Variants in P2RY8 observed in about 807,000 individuals in gnomAD.
The protein encoded by P2RY8 is S-geranylgeranyl-glutathione receptor P2RY8.
A neutral mutation model predicts 10.0 loss-of-function variants in P2RY8; 6 were observed. The ratio of observed to expected loss-of-function variants is 0.60; its 90% CI spans 0.33 to 1.19. P2RY8 has a LOEUF of 1.19. P2RY8 is among the 50% of genes most tolerant of loss of function. The pLI, the probability that P2RY8 is intolerant of heterozygous loss-of-function variation, is 0.04. For synonymous variants in P2RY8, 276 were observed against 252.5 expected (o/e 1.09, Z -0.88); for missense variants, 456 against 542.0 (o/e 0.84, Z 1.58).
At chrX:1,478,272 T>TGTGTGTGTGTGTGC (rs1318193075) in intron 1 of P2RY8, among the ~76,000 whole-genome samples, 4,182 of 103,902 alleles carry the variant, frequency 0.04, 208 homozygotes, top group African/African-American at 0.12. Flanking sequence ...TGTGTGTGTG[T>TGTGTGTGTGTGTGC]GCCCAGCAGG....
chrX:1,478,273 G>GCA (rs1556676192), intron 1 of P2RY8, among the ~76,000 whole-genome samples: 29 of 133,544 alleles, frequency 2.2e-4, no homozygotes, highest in South Asian at 6.8e-4. Context: ...GTGTGTGTGT[G>GCA]CCCAGCAGGG....
At chrX:1,522,407 C>T (rs780390145) in intron 1 of P2RY8, among the ~76,000 whole-genome samples, 36 of 152,292 alleles carry the variant, frequency 2.4e-4, no homozygotes, top group Admixed American at 1.6e-3. Context: ...CTCCCACACA[C>T]GTGTGTATTG....
Position 1,512,225 on chromosome X carries a change from G to A in P2RY8, c.-25+24696C>T, listed in dbSNP as rs184455067. ...GAGATTAAGGTGCAGGCAGGCCCAC[G>A]GTATTAGTCTGTTCTCACGCTGCTA... On this transcript the variant is annotated intron_variant, in intron 1 of 1. Coordinates refer to ENST00000381297, the MANE Select transcript of P2RY8 (RefSeq NM_178129.5). Among the ~76,000 whole-genome samples the A allele has an allele frequency of 4.9e-4, 74 of 152,148 alleles. No homozygotes were observed. In the East Asian group the frequency reaches 0.013, roughly 27 times the overall value.
At chrX:1,536,002 G>A (rs759569535) in intron 1 of P2RY8, among the ~76,000 whole-genome samples, 1 of 152,146 alleles carries the variant, frequency 6.6e-6, no homozygotes, top group South Asian at 2.1e-4. Flanking sequence ...GCACCGAGGG[G>A]GTGACGAGGG....
In P2RY8 at chrX:1,532,397, T is replaced by TGTATATG. The variant is rs1384150403; in HGVS notation, c.-25+4523_-25+4524insCATATAC. 1.5e-3 allele frequency among the ~76,000 whole-genome samples: 206 copies of TGTATATG among 135,456 alleles called. 8 individuals carry two copies. The highest frequency in any genetic ancestry group is 4.1e-3 in the Middle Eastern group (1 of 242). The allele number at this position is 135,456 out of a possible 152,430, so 88.9% of individuals were successfully genotyped here. ...TATATGATGTGTGTATATGCACATA[T>TGTATATG]ATGTATATATGTATATGATGTGTAT... On this transcript the variant is annotated intron_variant, in intron 1 of 1. Transcript: ENST00000381297.
rs191878558 is a variant in P2RY8 at position 1,467,824 on chromosome X, G to C, written c.-24-1242C>G. ...CCTGAGTAGTTGGGACTACAGGTGA[G>C]AGTACAACCACGCCCAGCTAATATT... is the stretch of plus-strand genomic sequence containing the variant. On this transcript the variant is annotated intron_variant, in intron 1 of 1. Coordinates refer to ENST00000381297, the MANE Select transcript of P2RY8 (RefSeq NM_178129.5). 7.2e-3 allele frequency among the ~76,000 whole-genome samples: 1,086 copies of C among 150,112 alleles called. 16 individuals are homozygous for C. The highest frequency in any genetic ancestry group is 0.025 in the African/African-American group (1,023 of 40,744).
intron 1 of P2RY8, among the ~76,000 whole-genome samples, chrX:1,517,378 G>C (rs1209868400): frequency 6.6e-6 from 1 of 152,138 alleles, no homozygotes; most frequent in Admixed American, 6.6e-5. Context: ...TCAAGGTCTG[G>C]CTTTTAAACC....
chrX:1,509,891 T>C (rs2092285978), intron 1 of P2RY8, among the ~76,000 whole-genome samples: 1 of 151,964 alleles, frequency 6.6e-6, no homozygotes, highest in Non-Finnish European at 1.5e-5. Flanking sequence ...TCTATCTATC[T>C]ATGTATGTAT....
Position 1,465,981 on chromosome X carries a change from A to T in P2RY8, c.578T>A (p.Phe193Tyr). 2 of 1,612,398 alleles carry T rather than the reference A, an allele frequency of 1.2e-6. No individual in the cohort carries two copies. The highest frequency in any genetic ancestry group is 1.1e-5 in the South Asian group (1 of 91,026). ...MLPSVAMWAV[F>Y]LFTIFILLFL... ...CAGCAGGATGAAGATGGTGAAGAGGAACACGGCCCACATGGCCACGCTGGG... is the reference window on the plus strand; with the variant it reads ...CAGCAGGATGAAGATGGTGAAGAGGTACACGGCCCACATGGCCACGCTGGG... The change falls in exon 2 of 2, where the codon TTC (phenylalanine) becomes TAC (tyrosine). Residue 193 changes from phenylalanine to tyrosine, a missense_variant. Physicochemically the swap from Phe to Tyr is conservative, Grantham distance 22. Coordinates refer to ENST00000381297, the MANE Select transcript of P2RY8 (RefSeq NM_178129.5).
chrX:1,534,114 T>C (rs2092505630), intron 1 of P2RY8, among the ~76,000 whole-genome samples: 1 of 130,858 alleles, frequency 7.6e-6, no homozygotes, highest in Admixed American at 8.4e-5. Context: ...ATAATATATT[T>C]ACATATATTA....
rs1167180753 is a variant in P2RY8, at chrX:1,462,885, G to C, written c.*2594C>G. The stretch of plus-strand genomic sequence containing the variant: ...TCACTCAAAGCTCAACCAGTGAACA[G>C]ACTGAGTCAGCTTCCAGGAAACATC... On this transcript the variant is annotated 3_prime_UTR_variant, in exon 2 of 2. Coordinates refer to ENST00000381297, the MANE Select transcript of P2RY8 (RefSeq NM_178129.5). The C allele has an allele frequency of 2.2e-5, 5 of 232,506 alleles. No homozygotes were observed. In the East Asian group the frequency reaches 3.0e-4, roughly 14 times the overall value. 14.4% of individuals were successfully genotyped at this position (232,506 alleles called of 1,614,324 possible). A position where few individuals can be genotyped will look rare whatever the true frequency, so the allele number is the denominator to read the frequency against.
At position 1,466,547 on chromosome X, in the gene P2RY8, C is replaced by T. The variant is rs770552678; in HGVS notation, c.12G>A (p.Pro4=). The change falls in exon 2 of 2, where the codon CCG becomes CCA. Residue 4 remains proline, a synonymous_variant. Coordinates refer to ENST00000381297, the MANE Select transcript of P2RY8 (RefSeq NM_178129.5). MQV[P]NSTGPDNATL... ...TCGCGTTGTCCGGGCCGGTGCTGTT[C>T]GGGACCTGCATCCTGGAGGGGTCCT... The T allele has an allele frequency of 7.5e-6, 12 of 1,606,100 alleles. No homozygotes were observed. The East Asian group carries it at 1.1e-4, about 15-fold the overall frequency.
chrX:1,524,768 TCCA>T (rs2092426684), intron 1 of P2RY8, among the ~76,000 whole-genome samples: 1 of 99,788 alleles, frequency 1.0e-5, no homozygotes, highest in African/African-American at 3.3e-5. Flanking sequence ...CATCCATCCA[TCCA>T]TCCATCCATC....
rs1168195243 is a variant in P2RY8 at position 1,500,131 on chromosome X, G to T, written c.-24-33549C>A. On this transcript the variant is annotated intron_variant, in intron 1 of 1. Coordinates refer to ENST00000381297, the MANE Select transcript of P2RY8 (RefSeq NM_178129.5). ...CCTCGGCCTCCCAAAGTGCTGGGAT[G>T]ACAGGCGTGAGCCACCGCGCCCGGC... is the stretch of plus-strand genomic sequence containing the variant. Among the ~76,000 whole-genome samples, 6 of 151,292 alleles carry T rather than the reference G, an allele frequency of 4.0e-5. No individual in the cohort carries two copies. In the East Asian group the frequency reaches 1.2e-3, roughly 29 times the overall value.
At chrX:1,487,777 G>T (rs1346138627) in intron 1 of P2RY8, among the ~76,000 whole-genome samples, 1 of 152,156 alleles carries the variant, frequency 6.6e-6, no homozygotes, top group Non-Finnish European at 1.5e-5. Context: ...ATTTGCACCT[G>T]CTCTTTGCAG....
intron 1 of P2RY8, among the ~76,000 whole-genome samples, chrX:1,498,806 G>A (rs1416911346): frequency 6.6e-6 from 1 of 151,358 alleles, no homozygotes; most frequent in Admixed American, 6.6e-5. Context: ...CCAAAGTTCT[G>A]GGATGACAGG....
chrX:1,483,171 T>C (rs1164077825), intron 1 of P2RY8, among the ~76,000 whole-genome samples: 1 of 152,192 alleles, frequency 6.6e-6, no homozygotes, highest in Non-Finnish European at 1.5e-5. Flanking sequence ...TGCCTTAGGA[T>C]ACTTTAATTG....
chrX:1,513,161 T>C (rs746267927), intron 1 of P2RY8, among the ~76,000 whole-genome samples: 1 of 152,196 alleles, frequency 6.6e-6, no homozygotes, highest in Admixed American at 6.5e-5. Flanking sequence ...TGAGAGTGAC[T>C]TTCTGGCTTT....
chrX:1,494,780 A>G (rs1258387723), intron 1 of P2RY8, among the ~76,000 whole-genome samples: 1 of 151,992 alleles, frequency 6.6e-6, no homozygotes, highest in African/African-American at 2.4e-5. Flanking sequence ...GTCTCCGCTC[A>G]CTGTCACTTC....
Sources: gnomAD v4.1 joint callset for allele counts (sites outside exome capture counted in the v4.1 genomes callset) on GRCh38, gnomAD v4.1.1 for gene constraint, MANE v1.5 for transcripts, NCBI Gene and HGNC (gene_info 2026-07-23, HGNC 2026-07-21) for gene names.